TMEM150C: variants seen among roughly 807,000 people sequenced by gnomAD.
The protein encoded by TMEM150C is tentonin 3.
A neutral mutation model predicts 29.9 loss-of-function variants in TMEM150C; 10 were observed. The observed-to-expected ratio is 0.33, with a 90% CI of 0.21 to 0.57. TMEM150C has a LOEUF of 0.57. TMEM150C is among the 20% of genes least tolerant of loss of function. The pLI is 0.88. For synonymous variants in TMEM150C, 101 were observed against 112.5 expected, an observed-to-expected ratio of 0.90 and a Z score of 0.64; for missense variants, 251 against 303.6, an observed-to-expected ratio of 0.83 and a Z score of 1.29.
chr4:82,545,275 A>C (rs1051697348), intron 1 of TMEM150C, among the ~76,000 whole-genome samples: 1 of 152,230 alleles, frequency 6.6e-6, no homozygotes, highest in Non-Finnish European at 1.5e-5. Flanking sequence ...TCATAACATA[A>C]ACAGAATTAA....
intron 5 of TMEM150C, among the ~76,000 whole-genome samples, chr4:82,499,575 T>C (rs1723662534): frequency 6.6e-6 from 1 of 151,782 alleles, no homozygotes. Flanking sequence ...TACAAAAAAT[T>C]AGCCAGGCGT....
intron 6 of TMEM150C, among the ~76,000 whole-genome samples, chr4:82,492,191 C>T (rs1359943960): frequency 6.6e-6 from 1 of 151,784 alleles, no homozygotes; most frequent in Non-Finnish European, 1.5e-5. Context: ...TGCAGTAGTG[C>T]GATCTCCACT....
At chr4:82,535,444 G>A (rs1211225462) in intron 1 of TMEM150C, among the ~76,000 whole-genome samples, 2 of 152,142 alleles carry the variant, frequency 1.3e-5, no homozygotes, top group East Asian at 1.9e-4. Flanking sequence ...AATCACAATG[G>A]CAATTAAGTT....
rs931619536 is a variant in TMEM150C at position 82,561,960 on chromosome 4, T to TGGCGGC, written c.-71_-66dup. The stretch of plus-strand genomic sequence containing the variant: ...CTCGAGGGGCTGTGACCTGCTGCGG[T>TGGCGGC]GGCGGCGGCGGCAGCAGTAGCGGCG... On this transcript the variant is annotated 5_prime_UTR_variant, in exon 1 of 8. Transcript: ENST00000449862. 56 of 1,104,206 alleles carry TGGCGGC rather than the reference T, an allele frequency of 5.1e-5. No individual in the cohort carries two copies. In the African/African-American group the frequency reaches 8.5e-4, roughly 17 times the overall value. 68.4% of individuals were successfully genotyped at this position (1,104,206 alleles called of 1,614,324 possible). A position where few individuals can be genotyped will look rare whatever the true frequency, so the allele number is the denominator to read the frequency against.
chr4:82,494,783 A>AT (rs70964776), intron 6 of TMEM150C: 29,088 of 187,862 alleles, frequency 0.15, 2,846 homozygotes, highest in African/African-American at 0.17. Context: ...AATGTTCCTA[A>AT]TTTTTTTTTT....
chr4:82,527,765 C>T (rs1724701972), intron 1 of TMEM150C, among the ~76,000 whole-genome samples: 1 of 152,212 alleles, frequency 6.6e-6, no homozygotes, highest in African/African-American at 2.4e-5. Context: ...GCTCAAATCC[C>T]TGTAAACTGT....
intron 1 of TMEM150C, among the ~76,000 whole-genome samples, chr4:82,540,250 A>T (rs1725159545): frequency 6.8e-6 from 1 of 146,922 alleles, no homozygotes; most frequent in Non-Finnish European, 1.5e-5. Flanking sequence ...AGCTGGGACT[A>T]CAGGTGCATG....
At chr4:82,519,825 A>G (rs1462147174) in intron 1 of TMEM150C, among the ~76,000 whole-genome samples, 2 of 152,240 alleles carry the variant, frequency 1.3e-5, no homozygotes, top group Non-Finnish European at 2.9e-5. Flanking sequence ...AAAAAATAGA[A>G]CAACTATAAT....
intron 2 of TMEM150C, 120 bp downstream of exon 2, chr4:82,504,458 C>T: frequency 3.0e-6 from 2 of 670,828 alleles, no homozygotes; most frequent in Non-Finnish European, 5.1e-6. Flanking sequence ...GACTCGGCCT[C>T]CCAAAGTGCT....
rs1168085204 is a variant in TMEM150C, at chr4:82,504,624, G to A, written c.34C>T (p.Leu12=). 1 of 1,613,634 alleles carries A rather than the reference G, an allele frequency of 6.2e-7. No homozygotes were observed. The highest frequency in any genetic ancestry group is 1.1e-5 in the South Asian group (1 of 91,010). ...GTAAACAAAGTAAATACAAGAGGTA[G>A]GAACATCCATACGCTGCATTTCTTC... ...DGKKCSVWMF[L]PLVFTLFTSA... The change falls in exon 2 of 8, where the codon CTA becomes TTA. Residue 12 remains leucine (L), a synonymous_variant. Coordinates refer to ENST00000449862, the MANE Select transcript of TMEM150C (RefSeq NM_001080506.3).
At chr4:82,513,337 C>T (rs1225858273) in intron 1 of TMEM150C, among the ~76,000 whole-genome samples, 1 of 152,156 alleles carries the variant, frequency 6.6e-6, no homozygotes. Context: ...AGCAGACCTG[C>T]AGCAGAGGGG....
At chr4:82,557,853 AC>A (rs1399944986) in intron 1 of TMEM150C, among the ~76,000 whole-genome samples, 1 of 146,660 alleles carries the variant, frequency 6.8e-6, no homozygotes. Flanking sequence ...CTCCTGTCTC[AC>A]CCTCCCTGGG....
chr4:82,498,384 G>A (rs1967536), intron 5 of TMEM150C, among the ~76,000 whole-genome samples: 31,815 of 151,894 alleles, frequency 0.21, 3,493 homozygotes, highest in African/African-American at 0.23. Flanking sequence ...CCGCCTCCTG[G>A]GTTTAAGCGA....
chr4:82,517,161 A>G lies in TMEM150C; in HGVS notation c.-10-12494T>C, dbSNP rs183432433. Reference sequence around the variant, plus strand: ...GTACCCTGTACAAAAACCGACCTGGAACAGACCTTGTAAATTATCAGCCTT... The same window carrying G: ...GTACCCTGTACAAAAACCGACCTGGGACAGACCTTGTAAATTATCAGCCTT... On this transcript the variant is annotated intron_variant, in intron 1 of 7. Transcript: ENST00000449862. Among the ~76,000 whole-genome samples, 27 of 152,336 alleles carry G rather than the reference A, an allele frequency of 1.8e-4. 1 individual carries two copies. The highest frequency in any genetic ancestry group is 3.4e-3 in the Middle Eastern group (1 of 294).
At chr4:82,527,783 T>C (rs1253883757) in intron 1 of TMEM150C, among the ~76,000 whole-genome samples, 2 of 152,198 alleles carry the variant, frequency 1.3e-5, no homozygotes, top group Non-Finnish European at 2.9e-5. Flanking sequence ...TGTGTGTGTA[T>C]ACATCATGGT....
chr4:82,534,882 C>T (rs993822172), intron 1 of TMEM150C, among the ~76,000 whole-genome samples: 45 of 152,046 alleles, frequency 3.0e-4, no homozygotes, highest in African/African-American at 9.9e-4. Flanking sequence ...CACTTAAACA[C>T]AAAGTATTTA....
upstream of TMEM150C, chr4:82,562,170 A>G (rs1246735643): frequency 1.6e-6 from 2 of 1,281,380 alleles, no homozygotes; most frequent in Admixed American, 2.3e-5. Context: ...CACCCGGGGC[A>G]GGAGCCGGGT....
chr4:82,508,158 AACTTT>A (rs1252035712), intron 1 of TMEM150C, among the ~76,000 whole-genome samples: 2 of 152,186 alleles, frequency 1.3e-5, no homozygotes, highest in African/African-American at 4.8e-5. Flanking sequence ...GTGTCACCCA[AACTTT>A]ACTTATATTT....
At chr4:82,544,219 G>A (rs1274569384) in intron 1 of TMEM150C, among the ~76,000 whole-genome samples, 1 of 152,138 alleles carries the variant, frequency 6.6e-6, no homozygotes. Flanking sequence ...CCTGTTCAAG[G>A]TCAATCATAC....
Sources: gnomAD v4.1 joint callset for allele counts (sites outside exome capture counted in the v4.1 genomes callset) on GRCh38, gnomAD v4.1.1 for gene constraint, MANE v1.5 for transcripts, NCBI Gene and HGNC (gene_info 2026-07-23, HGNC 2026-07-21) for gene names.